TRA2A: variants seen among roughly 807,000 people sequenced by gnomAD.
TRA2A encodes the protein transformer-2 protein homolog alpha.
A neutral mutation model predicts 45.7 loss-of-function variants in TRA2A; 31 were observed. That is an observed-to-expected ratio of 0.68 (90% confidence interval 0.51 to 0.92). The LOEUF is 0.92. TRA2A is among the 40% of genes least tolerant of loss of function. TRA2A has a pLI of 0.00. For missense variants in TRA2A, 304 were observed against 367.5 expected (o/e 0.83, Z 1.41); for synonymous variants, 132 against 126.2 (o/e 1.05, Z -0.31).
intron 5 of TRA2A, 150 bp from the exon 6 acceptor site, chr7:23,506,416 A>G (rs1379220185): frequency 1.0e-6 from 1 of 981,486 alleles, no homozygotes; most frequent in African/African-American, 1.6e-5. Flanking sequence ...ACTGACTCCC[A>G]TGGTATTCTG....
intron 1 of TRA2A, among the ~76,000 whole-genome samples, chr7:23,529,451 G>C (rs1790476605): frequency 6.6e-6 from 1 of 152,018 alleles, no homozygotes; most frequent in Non-Finnish European, 1.5e-5. Context: ...GTAGAGACAG[G>C]GTTTCACCAC....
chr7:23,519,755 A>C (rs948972092), intron 2 of TRA2A, among the ~76,000 whole-genome samples: 8 of 152,228 alleles, frequency 5.3e-5, no homozygotes, highest in African/African-American at 1.9e-4. Flanking sequence ...GAATAAAACT[A>C]ATGAGGAAAG....
intron 2 of TRA2A, among the ~76,000 whole-genome samples, 193 bp downstream of exon 2, chr7:23,521,514 G>A (rs1389067769): frequency 6.6e-6 from 1 of 152,168 alleles, no homozygotes; most frequent in African/African-American, 2.4e-5. Flanking sequence ...AATCAATGCA[G>A]CCTGGAACTC....
intron 2 of TRA2A, 138 bp downstream of exon 2, chr7:23,521,569 T>G (rs1790138595): frequency 1.0e-6 from 1 of 970,018 alleles, no homozygotes; most frequent in South Asian, 1.6e-5. Context: ...GGATATAGTA[T>G]TCATTTACAA....
Position 23,506,227 on chromosome 7 carries a change from ACCTCCACCGCCGCCG to A in TRA2A, c.666_680del (p.Gly227_Gly231del). 6.2e-7 allele frequency: 1 copy of A among 1,611,540 alleles called. No individual in the cohort carries two copies. Among genetic ancestry groups the A allele is most frequent in the Non-Finnish European group, 8.5e-7 (1 of 1,178,438 alleles). Reference sequence around the variant, plus strand: ...AATCTCGACGTCTGCCACCACCTCCACCTCCACCGCCGCCGCCTCCTCCACCACCCCCACCACTAC... The same window carrying A: ...AATCTCGACGTCTGCCACCACCTCCACCTCCTCCACCACCCCCACCACTAC... On this transcript the variant is annotated inframe_deletion, in exon 6 of 8. Coordinates refer to ENST00000297071, the MANE Select transcript of TRA2A (RefSeq NM_013293.5).
At chr7:23,509,264 C>G (rs1192869938) in intron 4 of TRA2A, among the ~76,000 whole-genome samples, 1 of 152,030 alleles carries the variant, frequency 6.6e-6, no homozygotes, top group African/African-American at 2.4e-5. Flanking sequence ...GCACCCCATC[C>G]TAAGCACCCC....
intron 4 of TRA2A, among the ~76,000 whole-genome samples, chr7:23,509,595 G>A (rs1272000988): frequency 6.6e-6 from 1 of 152,144 alleles, no homozygotes; most frequent in Non-Finnish European, 1.5e-5. Flanking sequence ...AATTAGCTGG[G>A]TGTGGTGGCA....
intron 3 of TRA2A, among the ~76,000 whole-genome samples, chr7:23,513,626 G>A (rs530187980): frequency 1.3e-5 from 2 of 152,190 alleles, no homozygotes; most frequent in African/African-American, 2.4e-5. Flanking sequence ...TTTGTTTCTC[G>A]GTGTTGTAAA....
At chr7:23,507,991 A>G (rs907385218) in intron 4 of TRA2A, among the ~76,000 whole-genome samples, 1 of 152,168 alleles carries the variant, frequency 6.6e-6, no homozygotes. Context: ...ACTTACAAAG[A>G]CTGACTTCAG....
chr7:23,526,145 C>T (rs777243425), intron 1 of TRA2A, among the ~76,000 whole-genome samples: 4 of 152,048 alleles, frequency 2.6e-5, no homozygotes, highest in East Asian at 1.9e-4. Flanking sequence ...CACAATGTTG[C>T]GGAACATGAA....
chr7:23,512,899 T>C lies in TRA2A; in HGVS notation c.520A>G (p.Lys174Glu). The change falls in exon 4 of 8, where the codon AAG (lysine) becomes GAG (glutamate). Residue 174 changes from lysine to glutamate, a missense_variant. Physicochemically the swap from Lys to Glu is moderately conservative, Grantham distance 56 (BLOSUM62 1). Around this residue, in one of 3 missense-constraint regions of TRA2A, gnomAD observed 130 missense variants for 217.1 expected, o/e 0.60. Transcript: ENST00000297071. ...FVYFERIDDSKEAMERANGME... is the reference protein window; with the variant it reads ...FVYFERIDDSEEAMERANGME... ...CATATAAAAGACAAATTTACCTCCT[T>C]TGAGTCATCTATTCTCTCAAAATAC... The C allele has an allele frequency of 6.2e-7, 1 of 1,611,126 alleles. No homozygotes were observed. The highest frequency in any genetic ancestry group is 1.3e-5 in the African/African-American group (1 of 74,984).
rs777556731 is a variant in TRA2A, at chr7:23,505,500, T to TAAAAA, written c.*54_*58dup. 3,565 of 346,136 alleles carry TAAAAA rather than the reference T, an allele frequency of 0.01. 9 individuals are homozygous for TAAAAA. Among genetic ancestry groups the TAAAAA allele is most frequent in the Middle Eastern group, 0.014 (18 of 1,322 alleles). 21.4% of individuals were successfully genotyped at this position (346,136 alleles called of 1,614,324 possible). A position where few individuals can be genotyped will look rare whatever the true frequency, so the allele number is the denominator to read the frequency against. ...CCACAGCTTGGGGAAATCTCAGAAT[T>TAAAAA]AAAAAAAAAAAAAAAAAAAAGAGGA... On this transcript the variant is annotated 3_prime_UTR_variant, in exon 8 of 8. Coordinates refer to ENST00000297071, the MANE Select transcript of TRA2A (RefSeq NM_013293.5).
intron 4 of TRA2A, among the ~76,000 whole-genome samples, chr7:23,510,041 CAA>C (rs1308477051): frequency 2.6e-5 from 4 of 152,018 alleles, no homozygotes; most frequent in African/African-American, 9.7e-5. Context: ...TCCAAACAAA[CAA>C]AGAAACAACA....
chr7:23,531,922 A>C lies in TRA2A; in HGVS notation c.-98T>G. The C allele has an allele frequency of 2.8e-6, 4 of 1,403,970 alleles. No individual in the cohort carries two copies. In the South Asian group the frequency reaches 3.5e-5, roughly 12 times the overall value. 87.0% of individuals were successfully genotyped at this position (1,403,970 alleles called of 1,614,324 possible). On this transcript the variant is annotated 5_prime_UTR_variant, in exon 1 of 8. Transcript: ENST00000297071. ...CTGACTGGACCGTGGGGAAGAGGAA[A>C]GAGTCGGCAACCACAGCCGCTCCAC...
chr7:23,512,026 T>C (rs913800509), intron 4 of TRA2A, among the ~76,000 whole-genome samples: 2 of 152,234 alleles, frequency 1.3e-5, no homozygotes, highest in African/African-American at 2.4e-5. Context: ...TTATGGCTTA[T>C]TCAAAAGAGA....
intron 2 of TRA2A, among the ~76,000 whole-genome samples, chr7:23,518,329 C>T (rs1268280576): frequency 6.6e-6 from 1 of 151,824 alleles, no homozygotes; most frequent in African/African-American, 2.4e-5. Context: ...CACCTAAATG[C>T]CCATCAAAAC....
In TRA2A at chr7:23,531,746, C is replaced by A. The variant is rs1344252759; in HGVS notation, c.36+43G>T. 1.9e-6 allele frequency: 3 copies of A among 1,610,794 alleles called. No homozygotes were observed. In the Admixed American group the frequency reaches 5.0e-5, roughly 27 times the overall value. The stretch of plus-strand genomic sequence containing the variant: ...GCGCTTGTTCCCGTGAAACCCCGAG[C>A]ATTGGGCCGCCGCCTAGACGGCTCC... On this transcript the variant is annotated intron_variant, in intron 1 of 7. Coordinates refer to ENST00000297071, the MANE Select transcript of TRA2A (RefSeq NM_013293.5).
At chr7:23,512,777 A>G (rs1789685924) in intron 4 of TRA2A, 117 bp downstream of exon 4, 5 of 963,878 alleles carry the variant, frequency 5.2e-6, no homozygotes, top group Non-Finnish European at 7.3e-6. Context: ...TATCTTTAAA[A>G]AAAAAAAAAA....
chr7:23,521,465 T>G (rs115786392), intron 2 of TRA2A, among the ~76,000 whole-genome samples: 25 of 152,290 alleles, frequency 1.6e-4, no homozygotes, highest in African/African-American at 6.0e-4. Context: ...TTTTCAGAGA[T>G]AGGGTCTCCC....
Sources: allele counts gnomAD v4.1 joint callset (sites outside exome capture counted in the v4.1 genomes callset), GRCh38; gene constraint gnomAD v4.1.1; regional missense constraint gnomAD v4.1.1; transcripts MANE v1.5; gene names NCBI Gene and HGNC (gene_info 2026-07-23, HGNC 2026-07-21).